Variants in DCP1A observed in about 807,000 individuals in gnomAD.
The protein encoded by DCP1A is decapping mRNA 1A, also known as mRNA-decapping enzyme 1A.
In DCP1A, 20 loss-of-function variants were observed where a neutral mutation model predicts 58.0. The ratio of observed to expected loss-of-function variants is 0.34; its 90% CI spans 0.24 to 0.50. The LOEUF is 0.50. Among genes scored for constraint, DCP1A ranks in the 20% least tolerant of loss-of-function variants. DCP1A has a pLI of 0.98. For missense variants in DCP1A, 613 were observed against 712.2 expected (o/e 0.86, Z 1.59); for synonymous variants, 285 against 275.1 (o/e 1.04, Z -0.36).
chr3:53,294,916 A>G (rs1033201614), intron 6 of DCP1A, among the ~76,000 whole-genome samples: 13 of 152,170 alleles, frequency 8.5e-5, no homozygotes, highest in African/African-American at 3.1e-4. Context: ...TTGCTCTTGG[A>G]CTTGCCTACC....
intron 6 of DCP1A, 91 bp downstream of exon 6, chr3:53,304,086 A>G (rs1468395462): frequency 2.2e-6 from 2 of 902,208 alleles, no homozygotes; most frequent in South Asian, 3.1e-5. Flanking sequence ...ACCTTGACAC[A>G]ACTGACAAAT....
At chr3:53,310,752 CTG>C (rs1180834403) in intron 5 of DCP1A, among the ~76,000 whole-genome samples, 14 of 152,336 alleles carry the variant, frequency 9.2e-5, no homozygotes, top group African/African-American at 2.9e-4. Flanking sequence ...TCCTAATTCT[CTG>C]TGAGACATTG....
Position 53,312,386 on chromosome 3 carries a change from G to C in DCP1A, c.372-7C>G. On this transcript the variant is annotated splice_region_variant and splice_polypyrimidine_tract_variant and intron_variant, in intron 4 of 9. Coordinates refer to ENST00000610213, the MANE Select transcript of DCP1A (RefSeq NM_018403.7). ...TGTCTCCTCTTCTACCACACTAGAG[G>C]AGAAGAACAAGGTTTTAGAAAGGCC... The C allele has an allele frequency of 6.3e-7, 1 of 1,575,272 alleles. No homozygotes were observed. Among genetic ancestry groups the C allele is most frequent in the Admixed American group, 2.0e-5 (1 of 50,836 alleles).
At chr3:53,319,853 G>C (rs769870409) in intron 3 of DCP1A, among the ~76,000 whole-genome samples, 4 of 152,124 alleles carry the variant, frequency 2.6e-5, no homozygotes, top group Non-Finnish European at 4.4e-5. Context: ...ATTGTTGCCG[G>C]GCATGGTGGC....
At chr3:53,305,969 G>C (rs2106823624) in intron 5 of DCP1A, among the ~76,000 whole-genome samples, 1 of 152,242 alleles carries the variant, frequency 6.6e-6, no homozygotes, top group African/African-American at 2.4e-5. Context: ...TTGAATATTT[G>C]TGCTATCTGA....
At chr3:53,311,374 G>A (rs1161940134) in intron 5 of DCP1A, among the ~76,000 whole-genome samples, 1 of 152,166 alleles carries the variant, frequency 6.6e-6, no homozygotes, top group Non-Finnish European at 1.5e-5. Context: ...AAGTGTGGGG[G>A]CTTTGAGGTG....
At chr3:53,335,430 T>C (rs1553691803) in intron 3 of DCP1A, among the ~76,000 whole-genome samples, 2 of 152,032 alleles carry the variant, frequency 1.3e-5, no homozygotes, top group South Asian at 2.1e-4. Context: ...GCGTGAGCCA[T>C]AGTGTCCGGC....
At chr3:53,319,374 T>TA in intron 4 of DCP1A, 33 bp downstream of exon 4, 1 of 1,324,824 alleles carries the variant, frequency 7.5e-7, no homozygotes, top group South Asian at 1.4e-5. Flanking sequence ...TTCTCACATA[T>TA]CATCAGTTAA....
chr3:53,326,220 T>G (rs1373763087), intron 3 of DCP1A, among the ~76,000 whole-genome samples: 2 of 152,136 alleles, frequency 1.3e-5, no homozygotes, highest in African/African-American at 4.8e-5. Context: ...AGTACAGAAT[T>G]TAGACACATG....
chr3:53,311,257 T>C (rs1553688606), intron 5 of DCP1A, among the ~76,000 whole-genome samples: 2 of 152,290 alleles, frequency 1.3e-5, no homozygotes, highest in South Asian at 2.1e-4. Flanking sequence ...TGAGGTGAAA[T>C]AGGCATGAAA....
chr3:53,312,597 A>G (rs1272469423), intron 4 of DCP1A, among the ~76,000 whole-genome samples: 1 of 147,932 alleles, frequency 6.8e-6, no homozygotes, highest in Non-Finnish European at 1.5e-5. Context: ...CTGGGTTCAC[A>G]CCATCCTCCT....
In DCP1A at chr3:53,286,618, A is replaced by G. The variant is rs141644404; in HGVS notation, c.*962T>C. On this transcript the variant is annotated 3_prime_UTR_variant, in exon 10 of 10. Transcript: ENST00000610213. ...CTACAACAAAATAAGGGCAGTGTGA[A>G]TAACAGCTCCCTTTTCTGCATAGCT... 6.6e-6 allele frequency: 1 copy of G among 152,360 alleles called. No homozygotes were observed. Among genetic ancestry groups the G allele is most frequent in the East Asian group, 1.9e-4 (1 of 5,190 alleles). 9.4% of individuals were successfully genotyped at this position (152,360 alleles called of 1,614,324 possible). A position where few individuals can be genotyped will look rare whatever the true frequency, so the allele number is the denominator to read the frequency against.
rs534048672 is a variant in DCP1A, at chr3:53,320,184, AG to A, written c.305-712del. On this transcript the variant is annotated intron_variant, in intron 3 of 9. Coordinates refer to ENST00000610213, the MANE Select transcript of DCP1A (RefSeq NM_018403.7). ...ATACAAAGCTTTCAAAACAAACCCC[AG>A]CTCTATATCCATCCTATGACTGACT... is the stretch of plus-strand genomic sequence containing the variant. Among the ~76,000 whole-genome samples, 298 of 152,090 alleles carry A rather than the reference AG, an allele frequency of 2.0e-3. 3 individuals carry two copies. The highest frequency in any genetic ancestry group is 3.4e-3 in the Middle Eastern group (1 of 292).
At chr3:53,323,293 A>G (rs139702815) in intron 3 of DCP1A, among the ~76,000 whole-genome samples, 9 of 152,362 alleles carry the variant, frequency 5.9e-5, no homozygotes, top group Non-Finnish European at 7.3e-5. Context: ...GGAGCACAGA[A>G]GCAGCCTTGT....
chr3:53,319,524 T>C (rs1575609710), intron 3 of DCP1A, 51 bp from the exon 4 acceptor site: 1 of 1,129,438 alleles, frequency 8.9e-7, no homozygotes, highest in East Asian at 2.6e-5. Context: ...TTTCAACATT[T>C]GGGTGTATGT....
chr3:53,322,995 T>C (rs1199053931), intron 3 of DCP1A, among the ~76,000 whole-genome samples: 1 of 152,004 alleles, frequency 6.6e-6, no homozygotes, highest in Non-Finnish European at 1.5e-5. Context: ...CGGCTAACTT[T>C]TTGTATTTTT....
intron 6 of DCP1A, among the ~76,000 whole-genome samples, chr3:53,303,975 C>G (rs1267751955): frequency 5.3e-5 from 8 of 152,180 alleles, no homozygotes; most frequent in Admixed American, 5.2e-4. Flanking sequence ...AACCAGGGAG[C>G]AAAAGATGGG....
chr3:53,297,727 AAC>A (rs1357319189), intron 6 of DCP1A, among the ~76,000 whole-genome samples: 1 of 152,208 alleles, frequency 6.6e-6, no homozygotes, highest in African/African-American at 2.4e-5. Context: ...TATGTATACA[AAC>A]ACACAAACCA....
chr3:53,293,407 G>A (rs73080266), intron 6 of DCP1A, among the ~76,000 whole-genome samples: 24,985 of 152,002 alleles, frequency 0.16, 2,547 homozygotes, highest in Middle Eastern at 0.29. Context: ...TACCATAATC[G>A]TTCAAAGGAA....
Sources: gnomAD v4.1 joint callset for allele counts (sites outside exome capture counted in the v4.1 genomes callset) on GRCh38, gnomAD v4.1.1 for gene constraint, MANE v1.5 for transcripts, NCBI Gene and HGNC (gene_info 2026-07-23, HGNC 2026-07-21) for gene names.